Variants in MIR2052HG observed in about 807,000 individuals in gnomAD.
MIR2052HG encodes MIR2052 host gene.
At chr8:74,667,460 G>T (rs1001738280) in intron 2 of MIR2052HG, among the ~76,000 whole-genome samples, 47 of 152,128 alleles carry the variant, frequency 3.1e-4, no homozygotes, top group African/African-American at 1.1e-3. Context: ...GAATGTAAAT[G>T]AATATGGCAT....
intron 2 of MIR2052HG, among the ~76,000 whole-genome samples, chr8:74,680,208 A>G (rs1020202788): frequency 9.2e-5 from 14 of 152,340 alleles, no homozygotes; most frequent in African/African-American, 2.9e-4. Context: ...TAACAAATGC[A>G]TCTAGGAATA....
At chr8:74,603,802 A>G (rs1808063388) in intron 1 of MIR2052HG, 2 of 838,600 alleles carry the variant, frequency 2.4e-6, no homozygotes, top group Non-Finnish European at 4.2e-6. Context: ...GATGCCAGCA[A>G]TAGTGATGGC....
intron 2 of MIR2052HG, among the ~76,000 whole-genome samples, chr8:74,616,940 G>T (rs1459873317): frequency 6.6e-6 from 1 of 151,726 alleles, no homozygotes; most frequent in Non-Finnish European, 1.5e-5. Flanking sequence ...AGGTATTGAG[G>T]CTATGAAGGT....
At chr8:74,643,007 T>C (rs1808655651) in intron 2 of MIR2052HG, among the ~76,000 whole-genome samples, 1 of 152,216 alleles carries the variant, frequency 6.6e-6, no homozygotes, top group Non-Finnish European at 1.5e-5. Context: ...CCTTCTGCAC[T>C]TCCATTCCCT....
At chr8:74,606,446 T>A (rs1296124916) in intron 1 of MIR2052HG, among the ~76,000 whole-genome samples, 1 of 152,162 alleles carries the variant, frequency 6.6e-6, no homozygotes, top group African/African-American at 2.4e-5. Flanking sequence ...ATTATGATAT[T>A]TATAACATAT....
chr8:74,628,763 G>T (rs542280573), intron 2 of MIR2052HG: 1 of 152,232 alleles, frequency 6.6e-6, no homozygotes, highest in South Asian at 2.1e-4. Flanking sequence ...ATATTAGAAG[G>T]TATAATTCAA....
chr8:74,660,227 T>G (rs1251544151), intron 2 of MIR2052HG, among the ~76,000 whole-genome samples: 1 of 152,210 alleles, frequency 6.6e-6, no homozygotes, highest in Non-Finnish European at 1.5e-5. Context: ...AAATTCAGCT[T>G]CAAATGACCT....
chr8:74,606,134 T>G (rs1309398818), intron 1 of MIR2052HG, among the ~76,000 whole-genome samples: 1 of 152,228 alleles, frequency 6.6e-6, no homozygotes, highest in Non-Finnish European at 1.5e-5. Context: ...GTGCAGGGGC[T>G]TTAAGACTAT....
At chr8:74,611,289 T>G (rs1808190936) in intron 1 of MIR2052HG, among the ~76,000 whole-genome samples, 1 of 152,086 alleles carries the variant, frequency 6.6e-6, no homozygotes, top group South Asian at 2.1e-4. Context: ...CTATTACAAA[T>G]ATCTTATATT....
chr8:74,728,255 A>G (rs1809656364), intron 4 of MIR2052HG, among the ~76,000 whole-genome samples: 1 of 152,232 alleles, frequency 6.6e-6, no homozygotes, highest in Non-Finnish European at 1.5e-5. Flanking sequence ...TCCCTGAGGT[A>G]AGATCACTGA....
intron 4 of MIR2052HG, among the ~76,000 whole-genome samples, chr8:74,716,632 C>T (rs1809524330): frequency 6.6e-6 from 1 of 152,072 alleles, no homozygotes; most frequent in African/African-American, 2.4e-5. Context: ...ATTGCTTGAA[C>T]CTGGGAGGTG....
chr8:74,702,056 G>A (rs1809363541), intron 2 of MIR2052HG, among the ~76,000 whole-genome samples: 1 of 151,952 alleles, frequency 6.6e-6, no homozygotes, highest in Non-Finnish European at 1.5e-5. Flanking sequence ...TGCTTCTAAT[G>A]GAAATAAGTA....
Position 74,668,179 on chromosome 8 carries a change from C to G in MIR2052HG, n.217-34200C>G, listed in dbSNP as rs375780138. On this transcript the variant is annotated intron_variant and non_coding_transcript_variant, in intron 2 of 6. Coordinates refer to ENST00000523442, the Ensembl canonical transcript of MIR2052HG. ...AGTGTCAGAGGCTACTGACACATTG[C>G]TTTTGCCAGAGTGCATTTTTTTCCC... Among the ~76,000 whole-genome samples the G allele has an allele frequency of 4.7e-4, 71 of 151,710 alleles. No individual in the cohort carries two copies. In the South Asian group the frequency reaches 8.1e-3, roughly 17 times the overall value.
At chr8:74,668,312 G>A (rs1808953931) in intron 2 of MIR2052HG, among the ~76,000 whole-genome samples, 1 of 151,966 alleles carries the variant, frequency 6.6e-6, no homozygotes, top group Non-Finnish European at 1.5e-5. Context: ...AGAACAAGCA[G>A]ATTATATATG....
At chr8:74,716,103 A>G (rs1809517953) in intron 4 of MIR2052HG, among the ~76,000 whole-genome samples, 1 of 152,146 alleles carries the variant, frequency 6.6e-6, no homozygotes, top group African/African-American at 2.4e-5. Context: ...GATTACTGCT[A>G]TGGACAACTG....
At chr8:74,630,532 A>AAG in intron 2 of MIR2052HG, among the ~76,000 whole-genome samples, 1 of 142,684 alleles carries the variant, frequency 7.0e-6, no homozygotes, top group Non-Finnish European at 1.6e-5. Flanking sequence ...TTCTCTGAAA[A>AAG]AAAAAAAAAA....
chr8:74,713,249 A>G (rs989470571), intron 4 of MIR2052HG, among the ~76,000 whole-genome samples: 1 of 152,172 alleles, frequency 6.6e-6, no homozygotes, highest in Non-Finnish European at 1.5e-5. Context: ...TATATCTTGA[A>G]TTTGTTCACT....
At chr8:74,648,146 T>A (rs1215113160) in intron 2 of MIR2052HG, among the ~76,000 whole-genome samples, 1 of 152,104 alleles carries the variant, frequency 6.6e-6, no homozygotes. Context: ...GACAGATATG[T>A]GAGTAGGAGA....
At chr8:74,753,169 A>G (rs1401640803) in intron 5 of MIR2052HG, among the ~76,000 whole-genome samples, 1 of 152,206 alleles carries the variant, frequency 6.6e-6, no homozygotes, top group African/African-American at 2.4e-5. Flanking sequence ...TCTAATGAGC[A>G]TTTGGTGCAT....
Sources: gnomAD v4.1 joint callset for allele counts (sites outside exome capture counted in the v4.1 genomes callset) on GRCh38, gnomAD v4.1.1 for gene constraint, MANE v1.5 for transcripts, NCBI Gene and HGNC (gene_info 2026-07-23, HGNC 2026-07-21) for gene names.